FHIT: variants seen among roughly 807,000 people sequenced by gnomAD.
The protein encoded by FHIT is bis(5'-adenosyl)-triphosphatase.
In FHIT, 19 loss-of-function variants were observed where a neutral mutation model predicts 17.9. The ratio of observed to expected loss-of-function variants is 1.06; its 90% CI spans 0.74 to 1.56. The LOEUF is 1.56. Among genes scored for constraint, FHIT ranks in the 40% most tolerant of loss-of-function variants. The probability of loss-of-function intolerance (pLI) is 0.00; values close to 1 mark genes in which losing one functional copy is unlikely to be tolerated. For synonymous variants in FHIT, 81 were observed against 69.7 expected (o/e 1.16, Z -0.81); for missense variants, 248 against 189.2 (o/e 1.31, Z -1.82).
chr3:60,698,233 C>CTT (rs11426035), intron 4 of FHIT, among the ~76,000 whole-genome samples: 38 of 151,166 alleles, frequency 2.5e-4, no homozygotes, highest in African/African-American at 8.7e-4. Flanking sequence ...TGGAGTGTGG[C>CTT]TTTTTTTTTC....
At chr3:59,756,482 G>T (rs937409232) in intron 8 of FHIT, among the ~76,000 whole-genome samples, 7 of 136,962 alleles carry the variant, frequency 5.1e-5, no homozygotes, top group Admixed American at 7.1e-5. Flanking sequence ...GCCAGATTTA[G>T]CAAACAAAAA....
At chr3:60,953,454 G>T (rs2107466374) in intron 3 of FHIT, among the ~76,000 whole-genome samples, 1 of 150,970 alleles carries the variant, frequency 6.6e-6, no homozygotes, top group African/African-American at 2.4e-5. Flanking sequence ...AAAAAAAAAA[G>T]TCAACTTTTT....
chr3:60,974,482 G>T (rs903865584), intron 3 of FHIT, among the ~76,000 whole-genome samples: 4 of 152,020 alleles, frequency 2.6e-5, no homozygotes, highest in Non-Finnish European at 5.9e-5. Flanking sequence ...ATTCAATGTG[G>T]TTATCACCAC....
intron 4 of FHIT, among the ~76,000 whole-genome samples, chr3:60,752,497 T>G (rs774932141): frequency 2.0e-5 from 3 of 152,142 alleles, no homozygotes; most frequent in Non-Finnish European, 4.4e-5. Context: ...CCTCTCTGAT[T>G]GAAAAGGACA....
intron 1 of FHIT, among the ~76,000 whole-genome samples, chr3:61,209,657 C>G (rs1341769247): frequency 2.0e-5 from 3 of 152,220 alleles, no homozygotes; most frequent in Non-Finnish European, 2.9e-5. Flanking sequence ...TGGTTTTCAG[C>G]TCCATCAAGT....
At chr3:59,867,197 A>ATGAGTCAT (rs1702694800) in intron 8 of FHIT, among the ~76,000 whole-genome samples, 1 of 51,252 alleles carries the variant, frequency 2.0e-5, no homozygotes, top group Non-Finnish European at 3.7e-5. Context: ...TAATAAGAGA[A>ATGAGTCAT]TGAGTCATTA....
intron 3 of FHIT, among the ~76,000 whole-genome samples, chr3:60,922,393 A>G (rs1707331960): frequency 6.6e-6 from 1 of 152,212 alleles, no homozygotes; most frequent in African/African-American, 2.4e-5. Flanking sequence ...TTGGCAAATC[A>G]GCCCAGTGTC....
At chr3:60,858,527 A>G (rs1257981799) in intron 3 of FHIT, among the ~76,000 whole-genome samples, 1 of 152,142 alleles carries the variant, frequency 6.6e-6, no homozygotes, top group Non-Finnish European at 1.5e-5. Flanking sequence ...ACACCCCTTC[A>G]TATTGCTTTG....
chr3:60,732,657 C>T (rs1158285642), intron 4 of FHIT: 4 of 403,644 alleles, frequency 9.9e-6, no homozygotes, highest in Non-Finnish European at 1.9e-5. Context: ...AGGGTGCTCC[C>T]GGCAGTGGCA....
intron 3 of FHIT, among the ~76,000 whole-genome samples, chr3:61,022,635 G>A (rs933889595): frequency 6.6e-6 from 1 of 152,166 alleles, no homozygotes; most frequent in African/African-American, 2.4e-5. Flanking sequence ...ACATCAAAAA[G>A]CTTATCCACC....
At chr3:60,567,690 T>A (rs190303644) in intron 4 of FHIT, among the ~76,000 whole-genome samples, 2 of 151,866 alleles carry the variant, frequency 1.3e-5, no homozygotes, top group African/African-American at 4.8e-5. Context: ...TGGGAGAAAA[T>A]TTTTGCAGTC....
chr3:60,868,908 C>T (rs1260601846), intron 3 of FHIT, among the ~76,000 whole-genome samples: 6 of 152,044 alleles, frequency 3.9e-5, no homozygotes, highest in East Asian at 3.9e-4. Flanking sequence ...GGATAGCAGG[C>T]GAGTGGAAGA....
chr3:60,466,628 A>C (rs2032808098), intron 5 of FHIT, among the ~76,000 whole-genome samples: 1 of 152,056 alleles, frequency 6.6e-6, no homozygotes, highest in African/African-American at 2.4e-5. Context: ...AAATTGAAAT[A>C]ATCATATCGT....
At position 60,479,796 on chromosome 3, in the gene FHIT, T is replaced by C. The variant is rs184465602; in HGVS notation, c.103+57064A>G. Reference sequence around the variant, plus strand: ...CTAGGTTGCATGCTCCTTATGAGAATCTAACTAATGCCTGAATATCTGAGG... The same window carrying C: ...CTAGGTTGCATGCTCCTTATGAGAACCTAACTAATGCCTGAATATCTGAGG... On this transcript the variant is annotated intron_variant, in intron 5 of 9. Transcript: ENST00000492590. Among the ~76,000 whole-genome samples, 237 of 152,270 alleles carry C rather than the reference T, an allele frequency of 1.6e-3. 1 individual carries two copies. The highest frequency in any genetic ancestry group is 5.2e-3 in the African/African-American group (218 of 41,550).
intron 1 of FHIT, among the ~76,000 whole-genome samples, chr3:61,245,021 C>T (rs2040457076): frequency 6.6e-6 from 1 of 152,124 alleles, no homozygotes; most frequent in South Asian, 2.1e-4. Flanking sequence ...AATACGCCAA[C>T]TTTTACAGAG....
chr3:61,081,538 A>G (rs755537873), intron 2 of FHIT, among the ~76,000 whole-genome samples: 5 of 152,162 alleles, frequency 3.3e-5, no homozygotes, highest in Non-Finnish European at 2.9e-5. Context: ...TTGATGGTCC[A>G]TGTTAAACTC....
intron 3 of FHIT, among the ~76,000 whole-genome samples, chr3:60,909,291 C>T (rs1208542136): frequency 2.0e-5 from 3 of 151,616 alleles, no homozygotes; most frequent in African/African-American, 7.3e-5. Context: ...ATCGCTTGAA[C>T]CCGGAAGGTG....
intron 4 of FHIT, among the ~76,000 whole-genome samples, chr3:60,670,833 A>G (rs1553693628): frequency 6.6e-6 from 1 of 152,214 alleles, no homozygotes; most frequent in Non-Finnish European, 1.5e-5. Context: ...TCTTATTCTA[A>G]TTAATAAATG....
At chr3:60,989,490 T>C (rs1056710372) in intron 3 of FHIT, among the ~76,000 whole-genome samples, 1 of 152,174 alleles carries the variant, frequency 6.6e-6, no homozygotes, top group African/African-American at 2.4e-5. Flanking sequence ...TTGCTTAGGA[T>C]TCAATGTATA....
Sources: allele counts gnomAD v4.1 joint callset (sites outside exome capture counted in the v4.1 genomes callset), GRCh38; gene constraint gnomAD v4.1.1; transcripts MANE v1.5; gene names NCBI Gene and HGNC (gene_info 2026-07-23, HGNC 2026-07-21).